The following FOXN3 variants were observed in gnomAD, a reference collection of about 807,000 sequenced individuals.
The protein encoded by FOXN3 is forkhead box N3.
Under a neutral mutation model 38.4 loss-of-function variants are expected in FOXN3, and 7 were observed. That is an observed-to-expected ratio of 0.18 (90% CI 0.10 to 0.34). The LOEUF is 0.34. Ranked by LOEUF, FOXN3 falls within the 10% of genes least tolerant of loss-of-function variation. The pLI, the probability that FOXN3 is intolerant of heterozygous loss-of-function variation, is 1.00. For synonymous variants in FOXN3, 230 were observed against 242.2 expected (o/e 0.95, Z 0.47); for missense variants, 456 against 613.4 (o/e 0.74, Z 2.71).
intron 5 of FOXN3, among the ~76,000 whole-genome samples, chr14:89,171,502 T>C (rs1205244317): frequency 1.3e-5 from 2 of 151,914 alleles, no homozygotes; most frequent in African/African-American, 4.8e-5. Flanking sequence ...GACACAAAAT[T>C]CATAAATAAA....
intron 3 of FOXN3, among the ~76,000 whole-genome samples, chr14:89,295,636 GGAGTGCAGTGGCAC>G (rs1489558314): frequency 1.3e-5 from 2 of 151,886 alleles, no homozygotes; most frequent in African/African-American, 2.4e-5. Flanking sequence ...CACCCAGGCT[GGAGTGCAGTGGCAC>G]AATCGCAGCT....
chr14:89,204,831 C>T (rs530572755), intron 4 of FOXN3, among the ~76,000 whole-genome samples: 44 of 151,886 alleles, frequency 2.9e-4, no homozygotes, highest in Non-Finnish European at 2.9e-4. Context: ...TCCATCCATG[C>T]ATTCATGCAT....
intron 3 of FOXN3, among the ~76,000 whole-genome samples, chr14:89,331,720 A>G (rs771774076): frequency 1.3e-5 from 2 of 152,250 alleles, no homozygotes; most frequent in Admixed American, 1.3e-4. Context: ...CTGAGTTCAC[A>G]CAAATATACC....
rs1555352195 is a variant in FOXN3, at chr14:89,409,354, G to GGGGC, written c.543+2579_543+2580insGCCC. On this transcript the variant is annotated intron_variant, in intron 2 of 5. Coordinates refer to ENST00000557258, the MANE Select transcript of FOXN3 (RefSeq NM_005197.4). The stretch of plus-strand genomic sequence containing the variant: ...TCCCAGAATCCAGCGGTGGGGGACG[G>GGGGC]GGGGGTCGCATGGCGGGAGAACAGC... The GGGGC allele has an allele frequency of 2.0e-5, 3 of 147,460 alleles. 1 individual carries two copies. The highest frequency in any genetic ancestry group is 4.5e-5 in the Non-Finnish European group (3 of 66,718). The allele number at this position is 147,460 out of a possible 1,614,324, so 9.1% of individuals were successfully genotyped here.
In FOXN3 at chr14:89,464,977, T is replaced by C. The variant is rs767572286; in HGVS notation, c.-14-52487A>G. 3.0e-4 allele frequency among the ~76,000 whole-genome samples: 46 copies of C among 152,148 alleles called. 1 individual carries two copies. Among genetic ancestry groups the C allele is most frequent in the South Asian group, 2.1e-4 (1 of 4,834 alleles). ...ACCCAAAGTGCTGGGTCTGCAGGCG[T>C]GAGCCACCGCACCTGACTTCCATGC... On this transcript the variant is annotated intron_variant, in intron 1 of 6. Transcript: ENST00000345097.
chr14:89,240,722 T>C (rs1243789068), intron 4 of FOXN3, among the ~76,000 whole-genome samples: 3 of 152,360 alleles, frequency 2.0e-5, no homozygotes, highest in African/African-American at 7.2e-5. Flanking sequence ...GAAGCTGTAC[T>C]TCCTTGACAA....
At chr14:89,197,961 C>G (rs1888139718) in intron 4 of FOXN3, among the ~76,000 whole-genome samples, 1 of 152,188 alleles carries the variant, frequency 6.6e-6, no homozygotes, top group South Asian at 2.1e-4. Context: ...TTTTCTCTAA[C>G]TCTGCATGAG....
intron 3 of FOXN3, among the ~76,000 whole-genome samples, chr14:89,313,495 T>C (rs545140810): frequency 4.0e-5 from 6 of 151,838 alleles, no homozygotes; most frequent in Non-Finnish European, 8.8e-5. Flanking sequence ...GAGGAGAAGG[T>C]TGCAGTGAGC....
intron 2 of FOXN3, among the ~76,000 whole-genome samples, chr14:89,395,364 A>G (rs1328844932): frequency 6.6e-6 from 1 of 152,230 alleles, no homozygotes; most frequent in Admixed American, 6.5e-5. Context: ...AGGTTCAGAG[A>G]GGTACACAGC....
chr14:89,291,366 T>G, intron 3 of FOXN3: 1 of 587,956 alleles, frequency 1.7e-6, no homozygotes, highest in Non-Finnish European at 3.4e-6. Context: ...TGTAACACCC[T>G]TTCTGCATAA....
intron 1 of FOXN3, among the ~76,000 whole-genome samples, chr14:89,416,271 A>C (rs1891720185): frequency 6.6e-6 from 1 of 152,216 alleles, no homozygotes; most frequent in Non-Finnish European, 1.5e-5. Context: ...TCTTATCCCC[A>C]TATACAGGGC....
At chr14:89,597,054 A>G (rs1896070247) in intron 1 of FOXN3, among the ~76,000 whole-genome samples, 1 of 152,196 alleles carries the variant, frequency 6.6e-6, no homozygotes, top group Admixed American at 6.5e-5. Context: ...ATTAATGCTT[A>G]GGTTATTTTT....
chr14:89,459,706 T>C (rs1472210924), intron 1 of FOXN3, among the ~76,000 whole-genome samples: 2 of 152,194 alleles, frequency 1.3e-5, no homozygotes, highest in Non-Finnish European at 2.9e-5. Context: ...ACAACTTTCA[T>C]GGCTTCCCCT....
intron 4 of FOXN3, among the ~76,000 whole-genome samples, chr14:89,241,237 T>C (rs1885131632): frequency 6.6e-6 from 1 of 152,210 alleles, no homozygotes; most frequent in Non-Finnish European, 1.5e-5. Context: ...TCTGTATAGA[T>C]AGCTCATGCC....
intron 5 of FOXN3, among the ~76,000 whole-genome samples, chr14:89,179,361 G>A (rs1460562690): frequency 1.3e-5 from 2 of 152,208 alleles, no homozygotes; most frequent in East Asian, 3.8e-4. Flanking sequence ...GCACGCGGCA[G>A]GGGAGTTTGA....
chr14:89,205,590 G>A (rs531956438), intron 4 of FOXN3, among the ~76,000 whole-genome samples: 254 of 152,328 alleles, frequency 1.7e-3, no homozygotes, highest in African/African-American at 5.8e-3. Context: ...ACGGCGGGAC[G>A]ACGCGGAATT....
chr14:89,422,179 TTTATAATG>T (rs1891928653), upstream of FOXN3, among the ~76,000 whole-genome samples: 2 of 152,222 alleles, frequency 1.3e-5, no homozygotes, highest in Non-Finnish European at 2.9e-5. Flanking sequence ...GCCCATTACA[TTTATAATG>T]TTATAAGGGG....
chr14:89,311,440 C>G (rs1596173827), intron 3 of FOXN3, among the ~76,000 whole-genome samples: 1 of 142,846 alleles, frequency 7.0e-6, no homozygotes, highest in African/African-American at 2.6e-5. Context: ...CCATTGCACT[C>G]CAGCCTGGGC....
At chr14:89,471,765 C>T (rs752777928) in intron 1 of FOXN3, among the ~76,000 whole-genome samples, 10 of 152,118 alleles carry the variant, frequency 6.6e-5, no homozygotes, top group Non-Finnish European at 1.5e-4. Flanking sequence ...TAGGGGTGGC[C>T]AGCTATGGCC....
Sources: allele counts gnomAD v4.1 joint callset (sites outside exome capture counted in the v4.1 genomes callset), GRCh38; gene constraint gnomAD v4.1.1; transcripts MANE v1.5; gene names NCBI Gene and HGNC (gene_info 2026-07-23, HGNC 2026-07-21).